The following SLC38A1 variants were observed in gnomAD, a reference collection of about 807,000 sequenced individuals.
SLC38A1 encodes solute carrier family 38 member 1, also known as sodium-coupled neutral amino acid symporter 1.
A neutral mutation model predicts 60.3 loss-of-function variants in SLC38A1; 18 were observed. The ratio of observed to expected loss-of-function variants is 0.30; its 90% CI spans 0.21 to 0.44. The LOEUF is 0.44. Among genes scored for constraint, SLC38A1 ranks in the 20% least tolerant of loss-of-function variants. SLC38A1 has a pLI of 1.00. For synonymous variants in SLC38A1, 196 were observed against 212.1 expected, an observed-to-expected ratio of 0.92 and a Z score of 0.66; for missense variants, 448 against 587.2, an observed-to-expected ratio of 0.76 and a Z score of 2.45.
chr12:46,255,781 C>A, intron 1 of SLC38A1, among the ~76,000 whole-genome samples: 1 of 152,208 alleles, frequency 6.6e-6, no homozygotes, highest in East Asian at 1.9e-4. Context: ...TCCAGCATAG[C>A]TACGGGGTGT....
rs538542582 is a variant in SLC38A1, at chr12:46,256,634, C to CAGAGAGAGAGAGAG, written c.-209+11891_-209+11892insCTCTCTCTCTCTCT. Among the ~76,000 whole-genome samples the CAGAGAGAGAGAGAG allele has an allele frequency of 5.7e-3, 289 of 50,916 alleles. 1 individual carries two copies. The highest frequency in any genetic ancestry group is 0.036 in the South Asian group (52 of 1,450). The allele number at this position is 50,916 out of a possible 152,430, so 33.4% of individuals were successfully genotyped here. The stretch of plus-strand genomic sequence containing the variant: ...GCGCGCACACACACACACACACACA[C>CAGAGAGAGAGAGAG]ACAGAGAGAGAGAGAGAGAGAGAGA... On this transcript the variant is annotated intron_variant, in intron 1 of 16. Transcript: ENST00000398637.
intron 5 of SLC38A1, among the ~76,000 whole-genome samples, chr12:46,226,706 C>A (rs1212354467): frequency 1.3e-5 from 2 of 150,444 alleles, no homozygotes; most frequent in African/African-American, 4.9e-5. Flanking sequence ...ACCTCTGCCT[C>A]CCGGGTTCAA....
chr12:46,190,651 C>T (rs909854206), intron 16 of SLC38A1, among the ~76,000 whole-genome samples: 8 of 152,332 alleles, frequency 5.3e-5, no homozygotes, highest in African/African-American at 1.9e-4. Context: ...GATGGTATCT[C>T]ATTGTGGTTT....
intron 1 of SLC38A1, among the ~76,000 whole-genome samples, chr12:46,263,483 C>T (rs1231115498): frequency 8.5e-5 from 13 of 152,106 alleles, no homozygotes; most frequent in Admixed American, 7.9e-4. Context: ...TAAAAGAAAG[C>T]GTAAGTCACA....
intron 5 of SLC38A1, among the ~76,000 whole-genome samples, chr12:46,224,827 A>C (rs1940803087): frequency 6.6e-6 from 1 of 152,220 alleles, no homozygotes; most frequent in Non-Finnish European, 1.5e-5. Flanking sequence ...CTTGTTATCC[A>C]TGAATCTTAC....
At chr12:46,200,374 T>C (rs575621971) in intron 13 of SLC38A1, among the ~76,000 whole-genome samples, 2 of 151,886 alleles carry the variant, frequency 1.3e-5, no homozygotes, top group East Asian at 1.9e-4. Flanking sequence ...TACATACATA[T>C]ATATATATAT....
intron 5 of SLC38A1, 70 bp from the exon 6 acceptor site, chr12:46,209,197 G>T: frequency 9.0e-7 from 1 of 1,107,254 alleles, no homozygotes; most frequent in Non-Finnish European, 1.3e-6. Context: ...CAGTTTAGAA[G>T]GGCAAAGGTT....
chr12:46,191,610 G>A (rs1939148425), intron 16 of SLC38A1, among the ~76,000 whole-genome samples: 1 of 152,070 alleles, frequency 6.6e-6, no homozygotes, highest in Non-Finnish European at 1.5e-5. Flanking sequence ...TTATTTCGTT[G>A]AGCAGTGGTT....
rs781412049 is a variant in SLC38A1, at chr12:46,198,606, C to A, written c.1122+19G>T. ...CGAGACCTCAGCTTTTCTCATATTGCACAGAGGCCCTTACTCACCGTGAAA... is the reference window on the plus strand; with the variant it reads ...CGAGACCTCAGCTTTTCTCATATTGAACAGAGGCCCTTACTCACCGTGAAA... On this transcript the variant is annotated intron_variant, in intron 14 of 16. Transcript: ENST00000398637. 5.2e-6 allele frequency: 8 copies of A among 1,540,006 alleles called. No homozygotes were observed. In the African/African-American group the frequency reaches 1.1e-4, roughly 21 times the overall value.
intron 3 of SLC38A1, among the ~76,000 whole-genome samples, chr12:46,231,500 A>G (rs1044993913): frequency 2.6e-5 from 4 of 152,264 alleles, no homozygotes; most frequent in African/African-American, 7.2e-5. Context: ...AAGATATGTT[A>G]AGGATGCTTT....
At position 46,239,834 on chromosome 12, in the gene SLC38A1, C is replaced by G. The variant is rs1941386677; in HGVS notation, c.-34G>C. On this transcript the variant is annotated 5_prime_UTR_variant, in exon 3 of 17. Transcript: ENST00000398637. ...AGTGTCTGTAGTTTGAAAATTAGTC[C>G]AAATTTCTCCTGTTCTGAGTGTATT... 1 of 1,608,358 alleles carries G rather than the reference C, an allele frequency of 6.2e-7. No individual in the cohort carries two copies. The highest frequency in any genetic ancestry group is 1.3e-5 in the African/African-American group (1 of 74,726).
rs1388781882 is a variant in SLC38A1, at chr12:46,183,378, A to T, written c.*5592T>A. ...AAGATTCAAGTGTTTGGGGAAAAAA[A>T]TACCTTAGACAGTCTATGTTGGCGT... On this transcript the variant is annotated 3_prime_UTR_variant, in exon 17 of 17. Transcript: ENST00000398637. 2 of 152,230 alleles carry T rather than the reference A, an allele frequency of 1.3e-5. No individual in the cohort carries two copies. The highest frequency in any genetic ancestry group is 2.1e-4 in the South Asian group (1 of 4,832). The allele number at this position is 152,230 out of a possible 1,614,324, so 9.4% of individuals were successfully genotyped here.
chr12:46,249,124 CCAGA>C (rs1335487140), intron 1 of SLC38A1, among the ~76,000 whole-genome samples: 2 of 135,040 alleles, frequency 1.5e-5, no homozygotes, highest in African/African-American at 5.7e-5. Flanking sequence ...CCACTGCACT[CCAGA>C]CAGGGTGATA....
intron 1 of SLC38A1, among the ~76,000 whole-genome samples, chr12:46,245,802 T>G (rs1415706986): frequency 3.9e-5 from 6 of 152,152 alleles, no homozygotes; most frequent in African/African-American, 1.4e-4. Context: ...GAACAGATAT[T>G]GTAAAAGAAA....
At position 46,268,333 on chromosome 12, in the gene SLC38A1, C is replaced by A. The variant is rs190734095; in HGVS notation, c.-209+193G>T. ...GGGCCCTGGCGCTTCCTCCCGCTGC[C>A]GCGTGCGTTCGGGAAGCACAGGAGA... On this transcript the variant is annotated intron_variant, in intron 1 of 16. Coordinates refer to ENST00000398637, the MANE Select transcript of SLC38A1 (RefSeq NM_030674.4). This position sits in a 1 kb window ranked among gnomAD's most constrained non-coding sequence, Gnocchi z 4.4. 8.1e-4 allele frequency among the ~76,000 whole-genome samples: 124 copies of A among 152,314 alleles called. 1 individual carries two copies. The highest frequency in any genetic ancestry group is 2.2e-4 in the Non-Finnish European group (15 of 68,024).
At position 46,241,158 on chromosome 12, in the gene SLC38A1, T is replaced by A. The variant is rs188200899; in HGVS notation, c.-93-1265A>T. Among the ~76,000 whole-genome samples the A allele has an allele frequency of 4.1e-3, 617 of 152,176 alleles. 1 individual carries two copies. The highest frequency in any genetic ancestry group is 0.018 in the South Asian group (85 of 4,812). ...AGAATGTCAATGAGCTGGTTTTTTT[T>A]AAAAAAAATGTCATTAGCAAATCCC... is the stretch of plus-strand genomic sequence containing the variant. On this transcript the variant is annotated intron_variant, in intron 2 of 16. Transcript: ENST00000398637.
In SLC38A1 at chr12:46,196,064, G is replaced by C. The variant is rs1158878020; in HGVS notation, c.1362+1656C>G. On this transcript the variant is annotated intron_variant, in intron 16 of 16. Transcript: ENST00000398637. ...TTGCTGGGAGCTGCAGACCAGAGCT[G>C]TTCCTATTTGGCTATCTTGGAAGCA... 5 of 1,348,892 alleles carry C rather than the reference G, an allele frequency of 3.7e-6. No homozygotes were observed. The South Asian group carries it at 3.8e-5, about 10-fold the overall frequency. The allele number at this position is 1,348,892 out of a possible 1,614,324, so 83.6% of individuals were successfully genotyped here.
chr12:46,229,930 C>G (rs1941008346), intron 3 of SLC38A1, among the ~76,000 whole-genome samples: 1 of 152,164 alleles, frequency 6.6e-6, no homozygotes, highest in South Asian at 2.1e-4. Context: ...ATGCCAATAA[C>G]AGGTGCTCAT....
In SLC38A1 at chr12:46,206,169, G is replaced by A; in HGVS notation, c.564-7C>T. On this transcript the variant is annotated splice_region_variant and splice_polypyrimidine_tract_variant and intron_variant, in intron 8 of 16. Transcript: ENST00000398637. Reference sequence around the variant, plus strand: ...GCCATCCACGTACCAGGCTCTGAAAGGCATTTAAGTGATTAGGTTATATTT... The same window carrying A: ...GCCATCCACGTACCAGGCTCTGAAAAGCATTTAAGTGATTAGGTTATATTT... The A allele has an allele frequency of 6.3e-7, 1 of 1,584,214 alleles. No individual in the cohort carries two copies. The highest frequency in any genetic ancestry group is 1.1e-5 in the South Asian group (1 of 87,706).
Sources: gnomAD v4.1 joint callset for allele counts (sites outside exome capture counted in the v4.1 genomes callset) on GRCh38, gnomAD v4.1.1 for gene constraint, Gnocchi (gnomAD v3.1) non-coding constraint, MANE v1.5 for transcripts, NCBI Gene and HGNC (gene_info 2026-07-23, HGNC 2026-07-21) for gene names.